Variants in SGMS1 observed in about 807,000 individuals in gnomAD.
SGMS1 encodes the protein phosphatidylcholine:ceramide cholinephosphotransferase 1.
In SGMS1, 13 loss-of-function variants were observed where a neutral mutation model predicts 46.2. The observed-to-expected ratio is 0.28, with a 90% CI of 0.18 to 0.45. The LOEUF is 0.45. Ranked by LOEUF, SGMS1 falls within the 20% of genes least tolerant of loss-of-function variation. The pLI, the probability that SGMS1 is intolerant of heterozygous loss-of-function variation, is 1.00. For missense variants in SGMS1, 324 were observed against 519.9 expected (o/e 0.62, Z 3.66); for synonymous variants, 203 against 187.8 (o/e 1.08, Z -0.66).
chr10:50,582,908 C>T (rs1838448317), intron 2 of SGMS1, among the ~76,000 whole-genome samples: 1 of 152,158 alleles, frequency 6.6e-6, no homozygotes, highest in Non-Finnish European at 1.5e-5. Flanking sequence ...CAGTGTTGAC[C>T]CTTACAGGTC....
intron 2 of SGMS1, among the ~76,000 whole-genome samples, chr10:50,522,479 C>T (rs1837865014): frequency 1.3e-5 from 2 of 152,096 alleles, no homozygotes; most frequent in African/African-American, 4.8e-5. Context: ...TTGTTCATAC[C>T]TATTGATTAT....
At chr10:50,428,945 C>T (rs905768671) in intron 6 of SGMS1, among the ~76,000 whole-genome samples, 1 of 152,190 alleles carries the variant, frequency 6.6e-6, no homozygotes, top group East Asian at 1.9e-4. Flanking sequence ...AGAACACTTA[C>T]GTTAGCCTAA....
At chr10:50,373,630 T>C (rs1281479731) in intron 6 of SGMS1, among the ~76,000 whole-genome samples, 1 of 152,072 alleles carries the variant, frequency 6.6e-6, no homozygotes, top group East Asian at 1.9e-4. Flanking sequence ...CAAGGAAAAA[T>C]ACGGATTTAA....
intron 8 of SGMS1, among the ~76,000 whole-genome samples, chr10:50,319,161 C>CA (rs5784829): frequency 0.26 from 28,311 of 107,688 alleles, 3,065 homozygotes; most frequent in Middle Eastern, 0.37. Flanking sequence ...GATTTGCCAC[C>CA]AAAAAAAAAA....
At chr10:50,442,400 C>T (rs1261124864) in intron 5 of SGMS1, among the ~76,000 whole-genome samples, 1 of 151,976 alleles carries the variant, frequency 6.6e-6, no homozygotes, top group Non-Finnish European at 1.5e-5. Context: ...CACGTGTTCT[C>T]ATCATTCAGC....
chr10:50,573,711 G>T (rs1225663010), intron 2 of SGMS1, among the ~76,000 whole-genome samples: 1 of 151,926 alleles, frequency 6.6e-6, no homozygotes, highest in Non-Finnish European at 1.5e-5. Flanking sequence ...ATAGTCAAAA[G>T]AATTTTAAGC....
chr10:50,479,793 C>A (rs1476350411), intron 3 of SGMS1, among the ~76,000 whole-genome samples: 2 of 152,000 alleles, frequency 1.3e-5, no homozygotes, highest in African/African-American at 4.8e-5. Context: ...ATATATACAT[C>A]ATTATATGGA....
At chr10:50,552,696 G>A (rs1564430258) in intron 2 of SGMS1, among the ~76,000 whole-genome samples, 1 of 152,312 alleles carries the variant, frequency 6.6e-6, no homozygotes, top group East Asian at 1.9e-4. Context: ...CCCGCCAAAA[G>A]ATATCCATGT....
At chr10:50,439,210 T>C (rs1849511924) in intron 5 of SGMS1, among the ~76,000 whole-genome samples, 1 of 152,176 alleles carries the variant, frequency 6.6e-6, no homozygotes, top group African/African-American at 2.4e-5. Context: ...ATGTAAATAT[T>C]CTTAAATTTT....
At chr10:50,423,713 C>T (rs751829673) in intron 6 of SGMS1, among the ~76,000 whole-genome samples, 3 of 151,948 alleles carry the variant, frequency 2.0e-5, no homozygotes, top group Non-Finnish European at 2.9e-5. Context: ...ATGTCTCTAG[C>T]GTAGAGGCCA....
intron 6 of SGMS1, among the ~76,000 whole-genome samples, chr10:50,365,220 T>C (rs1848314365): frequency 8.7e-6 from 1 of 115,322 alleles, no homozygotes. Flanking sequence ...GCTACTGCAC[T>C]CCAGCCTGGG....
intron 7 of SGMS1, chr10:50,341,493 C>T (rs1452939058): frequency 6.4e-5 from 29 of 452,256 alleles, no homozygotes; most frequent in Non-Finnish European, 8.5e-5. Flanking sequence ...TGGACACAAA[C>T]GCTCTGAAGC....
At chr10:50,620,353 G>A (rs888535098) in intron 1 of SGMS1, among the ~76,000 whole-genome samples, 1 of 152,190 alleles carries the variant, frequency 6.6e-6, no homozygotes, top group African/African-American at 2.4e-5. Context: ...AAATCTTGAA[G>A]ACCAGCATGT....
intron 3 of SGMS1, among the ~76,000 whole-genome samples, chr10:50,505,421 T>A (rs1837698181): frequency 6.6e-6 from 1 of 152,192 alleles, no homozygotes; most frequent in African/African-American, 2.4e-5. Flanking sequence ...ACACTGAAAT[T>A]TTTTAAAAGA....
At chr10:50,588,997 C>T (rs1474000158) in intron 2 of SGMS1, among the ~76,000 whole-genome samples, 1 of 152,104 alleles carries the variant, frequency 6.6e-6, no homozygotes, top group Non-Finnish European at 1.5e-5. Context: ...TCCCAAAGTG[C>T]TGGGATTACA....
intron 6 of SGMS1, among the ~76,000 whole-genome samples, chr10:50,376,957 CACA>C (rs947272496): frequency 6.6e-6 from 1 of 152,076 alleles, no homozygotes; most frequent in African/African-American, 2.4e-5. Flanking sequence ...CCAGAGTGAG[CACA>C]ACATTAGACT....
intron 6 of SGMS1, among the ~76,000 whole-genome samples, chr10:50,424,692 C>T (rs1314045964): frequency 6.6e-6 from 1 of 152,122 alleles, no homozygotes; most frequent in Non-Finnish European, 1.5e-5. Flanking sequence ...GGAACTTAAA[C>T]ATTCAACAAA....
At chr10:50,623,049 C>T (rs1026605815) in intron 1 of SGMS1, among the ~76,000 whole-genome samples, 3 of 152,132 alleles carry the variant, frequency 2.0e-5, no homozygotes, top group Non-Finnish European at 4.4e-5. Flanking sequence ...GGGGGCAGCC[C>T]TGCGGGGTCT....
intron 6 of SGMS1, among the ~76,000 whole-genome samples, chr10:50,395,206 T>C (rs1348223703): frequency 6.6e-6 from 1 of 152,236 alleles, no homozygotes; most frequent in East Asian, 1.9e-4. Context: ...TTATGATTAG[T>C]ATATTGAATG....
Sources: gnomAD v4.1 joint callset for allele counts (sites outside exome capture counted in the v4.1 genomes callset) on GRCh38, gnomAD v4.1.1 for gene constraint, MANE v1.5 for transcripts, NCBI Gene and HGNC (gene_info 2026-07-23, HGNC 2026-07-21) for gene names.